EXOC4: variants seen among roughly 807,000 people sequenced by gnomAD.
The protein encoded by EXOC4 is SEC8-like 1.
EXOC4 carries 71 observed loss-of-function variants against 107.2 expected under a neutral mutation model. The observed-to-expected ratio is 0.66, with a 90% CI of 0.55 to 0.81. EXOC4 has a LOEUF of 0.81. Among genes scored for constraint, EXOC4 ranks in the 30% least tolerant of loss-of-function variants. The pLI is 0.00. For synonymous variants in EXOC4, 456 were observed against 441.2 expected, an observed-to-expected ratio of 1.03 and a Z score of -0.42; for missense variants, 1,108 against 1,189.6, an observed-to-expected ratio of 0.93 and a Z score of 1.01.
intron 9 of EXOC4, among the ~76,000 whole-genome samples, chr7:133,627,575 C>T (rs1802485944): frequency 2.0e-5 from 3 of 152,174 alleles, no homozygotes; most frequent in South Asian, 2.1e-4. Context: ...TCAATTCTGA[C>T]TAGATTTTAT....
At chr7:133,288,871 T>C in intron 2 of EXOC4, 51 bp from the exon 3 acceptor site, 1 of 1,526,396 alleles carries the variant, frequency 6.6e-7, no homozygotes, top group Non-Finnish European at 9.0e-7. Flanking sequence ...ATTATAGGTT[T>C]AGACTGGCAA....
At chr7:133,602,301 G>A (rs957463275) in intron 9 of EXOC4, among the ~76,000 whole-genome samples, 12 of 152,214 alleles carry the variant, frequency 7.9e-5, no homozygotes, top group African/African-American at 2.9e-4. Flanking sequence ...TGATTAAGCA[G>A]TGTAGTAGGG....
At chr7:133,565,193 T>C (rs996802126) in intron 9 of EXOC4, among the ~76,000 whole-genome samples, 1 of 152,118 alleles carries the variant, frequency 6.6e-6, no homozygotes, top group Non-Finnish European at 1.5e-5. Context: ...GGATTGGACA[T>C]GTGTGGTGGG....
Position 133,588,541 on chromosome 7 carries a change from A to C in EXOC4, c.1418-41504A>C, listed in dbSNP as rs1801460415. Among the ~76,000 whole-genome samples, 3 of 152,272 alleles carry C rather than the reference A, an allele frequency of 2.0e-5. No individual in the cohort carries two copies. The South Asian group carries it at 6.2e-4, about 32-fold the overall frequency. On this transcript the variant is annotated intron_variant, in intron 9 of 17. Transcript: ENST00000253861. ...ATGTCCAAATAAAAGGGAAATGAAG[A>C]CTTACCACTTTTTGGCCTTCTTTTC... is the stretch of plus-strand genomic sequence containing the variant.
intron 9 of EXOC4, among the ~76,000 whole-genome samples, chr7:133,549,837 A>T (rs1192277933): frequency 6.6e-6 from 1 of 152,192 alleles, no homozygotes; most frequent in Non-Finnish European, 1.5e-5. Context: ...TTTCCATTAC[A>T]TAAAAGTCTA....
chr7:133,277,090 T>C (rs991127374), intron 2 of EXOC4, among the ~76,000 whole-genome samples: 3 of 152,022 alleles, frequency 2.0e-5, no homozygotes, highest in Non-Finnish European at 4.4e-5. Context: ...GCCTCCCGAG[T>C]AGCTGGGATT....
chr7:134,047,607 C>T (rs565289033), intron 17 of EXOC4, among the ~76,000 whole-genome samples: 1 of 152,158 alleles, frequency 6.6e-6, no homozygotes, highest in Non-Finnish European at 1.5e-5. Context: ...CCAGTGTCCC[C>T]AGCAAATCCC....
At chr7:133,293,954 T>G (rs1794462598) in intron 3 of EXOC4, among the ~76,000 whole-genome samples, 1 of 152,214 alleles carries the variant, frequency 6.6e-6, no homozygotes, top group African/African-American at 2.4e-5. Context: ...AATGACATAA[T>G]TTCTGGTTGC....
At chr7:133,480,205 T>G in intron 9 of EXOC4, 67 bp downstream of exon 9, 1 of 1,580,266 alleles carries the variant, frequency 6.3e-7, no homozygotes, top group Non-Finnish European at 8.6e-7. Flanking sequence ...TACACATGAG[T>G]TTGTGTCCTG....
intron 5 of EXOC4, among the ~76,000 whole-genome samples, chr7:133,343,671 G>T (rs1795718815): frequency 7.0e-6 from 1 of 143,432 alleles, no homozygotes; most frequent in East Asian, 2.3e-4. Flanking sequence ...TCTTAGTTTT[G>T]GAATTTCTGG....
At chr7:134,030,454 C>G (rs1447210307) in intron 17 of EXOC4, among the ~76,000 whole-genome samples, 1 of 152,186 alleles carries the variant, frequency 6.6e-6, no homozygotes, top group Non-Finnish European at 1.5e-5. Flanking sequence ...CCTGCAGACT[C>G]TGGCCAAGCG....
At chr7:133,905,500 C>T (rs1304330368) in intron 12 of EXOC4, among the ~76,000 whole-genome samples, 4 of 152,176 alleles carry the variant, frequency 2.6e-5, no homozygotes, top group Non-Finnish European at 5.9e-5. Flanking sequence ...CAGAGTGCTT[C>T]CCTCCCCTTG....
At position 133,986,852 on chromosome 7, in the gene EXOC4, T is replaced by C. The variant is rs150229832; in HGVS notation, c.2207-10640T>C. 5.0e-3 allele frequency among the ~76,000 whole-genome samples: 766 copies of C among 152,232 alleles called. 6 individuals are homozygous for C. The highest frequency in any genetic ancestry group is 0.018 in the African/African-American group (737 of 41,538). On this transcript the variant is annotated intron_variant, in intron 14 of 17. Coordinates refer to ENST00000253861, the MANE Select transcript of EXOC4 (RefSeq NM_021807.4). The stretch of plus-strand genomic sequence containing the variant: ...GCTCCAGCTTGGAACTGGAGTATTA[T>C]GGTGTCTGACACTCAACTGTGATCC...
chr7:133,916,214 G>A (rs1048488305), intron 12 of EXOC4, among the ~76,000 whole-genome samples: 21 of 152,200 alleles, frequency 1.4e-4, no homozygotes, highest in African/African-American at 4.3e-4. Flanking sequence ...TAGAATTTGC[G>A]CTCCTGTGAG....
At chr7:133,483,405 T>C (rs1293482363) in intron 9 of EXOC4, among the ~76,000 whole-genome samples, 1 of 152,218 alleles carries the variant, frequency 6.6e-6, no homozygotes, top group Non-Finnish European at 1.5e-5. Context: ...AGGACAAAAC[T>C]ACTGTATGTA....
chr7:133,253,650 T>C, intron 1 of EXOC4: 1 of 347,202 alleles, frequency 2.9e-6, no homozygotes, highest in Non-Finnish European at 4.0e-6. Context: ...CTCTGGATAC[T>C]TTCAACCACC....
intron 7 of EXOC4, among the ~76,000 whole-genome samples, chr7:133,388,663 T>TA (rs1796783708): frequency 6.6e-6 from 1 of 152,014 alleles, no homozygotes; most frequent in Non-Finnish European, 1.5e-5. Flanking sequence ...AATAAAATAA[T>TA]ACCTAAAAAC....
At chr7:133,670,688 G>C (rs1269018081) in intron 10 of EXOC4, among the ~76,000 whole-genome samples, 1 of 152,204 alleles carries the variant, frequency 6.6e-6, no homozygotes, top group Non-Finnish European at 1.5e-5. Context: ...GTATTTGCCT[G>C]ACTGAGGTAA....
At chr7:133,381,650 T>C (rs1364489747) in intron 7 of EXOC4, among the ~76,000 whole-genome samples, 1 of 152,164 alleles carries the variant, frequency 6.6e-6, no homozygotes, top group Non-Finnish European at 1.5e-5. Context: ...GAAAACCTGT[T>C]AGGGTTATCT....
Sources: allele counts gnomAD v4.1 joint callset (sites outside exome capture counted in the v4.1 genomes callset), GRCh38; gene constraint gnomAD v4.1.1; transcripts MANE v1.5; gene names NCBI Gene and HGNC (gene_info 2026-07-23, HGNC 2026-07-21).